NR4A2: variants seen among roughly 807,000 people sequenced by gnomAD.
NR4A2 encodes the protein NGFI-B/nur77 beta-type transcription factor homolog.
NR4A2 carries 1 observed loss-of-function variant against 50.5 expected under a neutral mutation model. That is an observed-to-expected ratio of 0.02 (90% CI 0.01 to 0.09). The LOEUF (loss-of-function observed/expected upper bound fraction) is 0.09, where lower values mean the gene tolerates loss of function less well. Ranked by LOEUF, NR4A2 falls within the 10% of genes least tolerant of loss-of-function variation. The pLI, the probability that NR4A2 is intolerant of heterozygous loss-of-function variation, is 1.00. For missense variants in NR4A2, 613 were observed against 777.3 expected (o/e 0.79, Z 2.51); for synonymous variants, 328 against 309.4 (o/e 1.06, Z -0.63).
Position 156,326,372 on chromosome 2 carries a change from A to C in NR4A2, c.1362-44T>G. Reference sequence around the variant, plus strand: ...AGAGAGAGGGGAGAAAAAGAGAGAGAGAAAAGCTAAACAACTAATTACTTG... The same window carrying C: ...AGAGAGAGGGGAGAAAAAGAGAGAGCGAAAAGCTAAACAACTAATTACTTG... On this transcript the variant is annotated intron_variant, in intron 6 of 7. Coordinates refer to ENST00000339562, the MANE Select transcript of NR4A2 (RefSeq NM_006186.4). This position sits in a 1 kb window ranked among gnomAD's most constrained non-coding sequence, Gnocchi z 4.2. The C allele has an allele frequency of 1.9e-6, 3 of 1,557,834 alleles. No individual in the cohort carries two copies. The highest frequency in any genetic ancestry group is 2.7e-6 in the Non-Finnish European group (3 of 1,128,700).
At chr2:156,331,465 G>T (rs1476741308) in intron 1 of NR4A2, among the ~76,000 whole-genome samples, 2 of 152,152 alleles carry the variant, frequency 1.3e-5, no homozygotes, top group African/African-American at 4.8e-5. Context: ...GGGAAGAGGG[G>T]ATCTACTTTT....
Position 156,329,780 on chromosome 2 carries a change from T to C in NR4A2, c.407A>G (p.Gln136Arg). Residue 136 changes from glutamine to arginine, a missense_variant, in exon 3 of 8, where the codon CAG (glutamine) becomes CGG (arginine). Physicochemically the swap from Gln to Arg is conservative, Grantham distance 43. Transcript: ENST00000339562. This position sits in a 1 kb window ranked among gnomAD's most constrained non-coding sequence, Gnocchi z 7.5. Reference protein sequence around the residue: ...SPPTPTTPGFQVQHSPMWDDP... With the variant: ...SPPTPTTPGFRVQHSPMWDDP... ...GTCCCACATGGGGCTGTGCTGCACCTGGAAGCCCGGGGTGGTGGGCGTCGG... is the reference window on the plus strand; with the variant it reads ...GTCCCACATGGGGCTGTGCTGCACCCGGAAGCCCGGGGTGGTGGGCGTCGG... The C allele has an allele frequency of 1.9e-6, 3 of 1,613,506 alleles. No homozygotes were observed. The highest frequency in any genetic ancestry group is 2.5e-6 in the Non-Finnish European group (3 of 1,179,538).
intron 2 of NR4A2, 98 bp downstream of exon 2, chr2:156,330,570 G>T: frequency 7.8e-7 from 1 of 1,289,468 alleles, no homozygotes; most frequent in Non-Finnish European, 1.0e-6. Flanking sequence ...CGAAGGCGAT[G>T]GGTCGGGCAA....
Position 156,326,411 on chromosome 2 carries a change from G to T in NR4A2, c.1362-83C>A. ...ACTAATTACTTGAAGAGCAATAAAT[G>T]AGGGATTTAAGAGTCACCTAATTAC... On this transcript the variant is annotated intron_variant, in intron 6 of 7. Transcript: ENST00000339562. This position sits in a 1 kb window ranked among gnomAD's most constrained non-coding sequence, Gnocchi z 4.2. 1 of 1,303,952 alleles carries T rather than the reference G, an allele frequency of 7.7e-7. No homozygotes were observed. The allele number at this position is 1,303,952 out of a possible 1,614,324, so 80.8% of individuals were successfully genotyped here.
Position 156,326,932 on chromosome 2 carries a change from T to C in NR4A2, c.1159-12A>G. The stretch of plus-strand genomic sequence containing the variant: ...GGGTTCGCCTGGAACTGGAATTTCA[T>C]TTTAAAAAGCACTTAATGAGGTTCT... On this transcript the variant is annotated splice_polypyrimidine_tract_variant and intron_variant, in intron 5 of 7. Transcript: ENST00000339562. This position sits in a 1 kb window ranked among gnomAD's most constrained non-coding sequence, Gnocchi z 4.2. The C allele has an allele frequency of 6.2e-7, 1 of 1,613,590 alleles. No individual in the cohort carries two copies. Among genetic ancestry groups the C allele is most frequent in the Non-Finnish European group, 8.5e-7 (1 of 1,179,574 alleles).
rs746412784 is a variant in NR4A2 at position 156,327,870 on chromosome 2, G to C, written c.1139C>G (p.Thr380Ser). 7 of 1,587,788 alleles carry C rather than the reference G, an allele frequency of 4.4e-6. No homozygotes were observed. Residue 380 changes from threonine to serine, a missense_variant, in exon 5 of 8, where the codon ACC becomes AGC. Transcript: ENST00000339562. The part of the protein sequence containing the change: ...RAHVDSNPAM[T>S]SLDYSRFQAN... ...TCTTACCCTGGAATAGTCCAGGCTG[G>C]TCATAGCCGGGTTGGAGTCGACATG...
rs750184164 is a variant in NR4A2 at position 156,325,834 on chromosome 2, C to T, written c.1707G>A (p.Gly569=). 1 of 1,614,184 alleles carries T rather than the reference C, an allele frequency of 6.2e-7. No homozygotes were observed. The change falls in exon 8 of 8, where the codon GGG becomes GGA. Residue 569 remains glycine (G), a synonymous_variant. Coordinates refer to ENST00000339562, the MANE Select transcript of NR4A2 (RefSeq NM_006186.4). ...ATTTCAGGTAGAAAATGCGCTGTAG[C>T]CCCTGTGTGCAAAGGGTACGAAGTT... is the stretch of plus-strand genomic sequence containing the variant. ...LPELRTLCTQ[G]LQRIFYLKLE...
In NR4A2 at chr2:156,325,885, C is replaced by T. The variant is rs746546938; in HGVS notation, c.1656G>A (p.Leu552=). ...CTGGGAGCTTCCCCAACAGTTTGGA[C>T]AAATAATTGGGGCGGTTCAACCCCC... is the stretch of plus-strand genomic sequence containing the variant. ...NNGGLNRPNY[L]SKLLGKLPEL... is the part of the protein sequence containing the mutation. The change falls in exon 8 of 8, where the codon TTG becomes TTA. Residue 552 remains leucine (L), a synonymous_variant. Coordinates refer to ENST00000339562, the MANE Select transcript of NR4A2 (RefSeq NM_006186.4). 1.2e-6 allele frequency: 2 copies of T among 1,614,082 alleles called. No homozygotes were observed. Among genetic ancestry groups the T allele is most frequent in the Admixed American group, 1.7e-5 (1 of 60,006 alleles).
In NR4A2 at chr2:156,329,705, T is replaced by A; in HGVS notation, c.482A>T (p.His161Leu). 1 of 1,614,022 alleles carries A rather than the reference T, an allele frequency of 6.2e-7. No homozygotes were observed. Among genetic ancestry groups the A allele is most frequent in the Non-Finnish European group, 8.5e-7 (1 of 1,179,952 alleles). ...TGGCGTTTTCCTCTGCTCGATCATG[T>A]GCGTAGTGGCCACGTAGTTCTGGTG... Reference protein sequence around the residue: ...NFHQNYVATTHMIEQRKTPVS... With the variant: ...NFHQNYVATTLMIEQRKTPVS... Residue 161 changes from histidine (H) to leucine (L), a missense_variant, in exon 3 of 8, where the codon CAC becomes CTC. His to Leu is a moderately conservative substitution (Grantham distance 99, BLOSUM62 -3). Transcript: ENST00000339562. The surrounding 1 kb of genome is among the most constrained non-coding windows in gnomAD (Gnocchi z 7.5).
Position 156,326,651 on chromosome 2 carries a change from CCCTTTCTTTT to C in NR4A2, c.1361+57_1361+66del, listed in dbSNP as rs1473569972. On this transcript the variant is annotated intron_variant, in intron 6 of 7. Transcript: ENST00000339562. The surrounding 1 kb of genome is among the most constrained non-coding windows in gnomAD (Gnocchi z 4.2). Reference sequence around the variant, plus strand: ...ACCCCACCCTCTGGTTTCCCTTCCTCCCTTTCTTTTCCTTTCTTGATTTCTCTCACAGCCT... The same window carrying C: ...ACCCCACCCTCTGGTTTCCCTTCCTCCCTTTCTTGATTTCTCTCACAGCCT... The C allele has an allele frequency of 1.3e-5, 20 of 1,530,734 alleles. No individual in the cohort carries two copies. In the African/African-American group the frequency reaches 2.6e-4, roughly 20 times the overall value. The allele number at this position is 1,530,734 out of a possible 1,614,324, so 94.8% of individuals were successfully genotyped here.
Position 156,328,916 on chromosome 2 carries a change from G to T in NR4A2, c.865-383C>A, listed in dbSNP as rs1203059117. 1.3e-5 allele frequency among the ~76,000 whole-genome samples: 2 copies of T among 152,194 alleles called. No homozygotes were observed. The highest frequency in any genetic ancestry group is 3.9e-4 in the East Asian group (2 of 5,194). ...TTCAATCAGGATGGCGAAATAAAGAGATCACTTAATTTGACCATAGGGAAT... is the reference window on the plus strand; with the variant it reads ...TTCAATCAGGATGGCGAAATAAAGATATCACTTAATTTGACCATAGGGAAT... On this transcript the variant is annotated intron_variant, in intron 3 of 7. Transcript: ENST00000339562. The surrounding 1 kb of genome is among the most constrained non-coding windows in gnomAD (Gnocchi z 4.9).
In NR4A2 at chr2:156,326,523, C is replaced by G. The variant is rs113743489; in HGVS notation, c.1361+195G>C. On this transcript the variant is annotated intron_variant, in intron 6 of 7. Transcript: ENST00000339562. The surrounding 1 kb of genome is among the most constrained non-coding windows in gnomAD (Gnocchi z 4.2). The stretch of plus-strand genomic sequence containing the variant: ...GAACGCCCCCTATCCCACCTCCATT[C>G]CATTCATCCAAGGCTTCTGGGCTCG... 3.2e-4 allele frequency among the ~76,000 whole-genome samples: 49 copies of G among 152,318 alleles called. No homozygotes were observed. The highest frequency in any genetic ancestry group is 1.1e-3 in the African/African-American group (46 of 41,560).
In NR4A2 at chr2:156,329,666, G is replaced by C. The variant is rs1686828651; in HGVS notation, c.521C>G (p.Ser174Cys). ...GGGCGATTGCTTAAAGGAGAAGAGG[G>C]AGAGGCGGGAGACTGGCGTTTTCCT... ...EQRKTPVSRLSLFSFKQSPPG... is the reference protein window; with the variant it reads ...EQRKTPVSRLCLFSFKQSPPG... The change falls in exon 3 of 8, where the codon TCC (serine) becomes TGC (cysteine). Residue 174 changes from serine to cysteine, a missense_variant. By Grantham distance (112) the Ser-to-Cys change is moderately radical (BLOSUM62 -1). Around this residue, in one of 4 missense-constraint regions of NR4A2, gnomAD observed 275 missense variants for 248.9 expected, o/e 1.10. Transcript: ENST00000339562. The surrounding 1 kb of genome is among the most constrained non-coding windows in gnomAD (Gnocchi z 7.5). 1 of 1,613,970 alleles carries C rather than the reference G, an allele frequency of 6.2e-7. No homozygotes were observed. Among genetic ancestry groups the C allele is most frequent in the Non-Finnish European group, 8.5e-7 (1 of 1,179,924 alleles).
chr2:156,332,201 C>T lies in NR4A2; in HGVS notation c.-127+279G>A, dbSNP rs555847921. On this transcript the variant is annotated intron_variant, in intron 1 of 7. Coordinates refer to ENST00000339562, the MANE Select transcript of NR4A2 (RefSeq NM_006186.4). ...TTGCGCACATTTCCGCGGGCTAGTC[C>T]TCAGCTCCCAAACTGTGGAGTCTCC... 1.1e-4 allele frequency among the ~76,000 whole-genome samples: 16 copies of T among 152,310 alleles called. No individual in the cohort carries two copies. In the East Asian group the frequency reaches 1.9e-3, roughly 18 times the overall value.
In NR4A2 at chr2:156,326,987, C is replaced by A. The variant is rs573028684; in HGVS notation, c.1159-67G>T. The A allele has an allele frequency of 4.7e-6, 7 of 1,504,068 alleles. No individual in the cohort carries two copies. The highest frequency in any genetic ancestry group is 2.3e-5 in the South Asian group (2 of 88,198). The allele number at this position is 1,504,068 out of a possible 1,614,324, so 93.2% of individuals were successfully genotyped here. ...AATATATAACCCGTGAAATTGCTAA[C>A]CCCGTTTCTAATAGGGGAGCCAGGT... On this transcript the variant is annotated intron_variant, in intron 5 of 7. Transcript: ENST00000339562. The surrounding 1 kb of genome is among the most constrained non-coding windows in gnomAD (Gnocchi z 4.2).
In NR4A2 at chr2:156,328,341, G is replaced by A; in HGVS notation, c.994+63C>T. 1.2e-6 allele frequency: 2 copies of A among 1,611,854 alleles called. No individual in the cohort carries two copies. Among genetic ancestry groups the A allele is most frequent in the Non-Finnish European group, 1.7e-6 (2 of 1,178,318 alleles). On this transcript the variant is annotated intron_variant, in intron 4 of 7. Coordinates refer to ENST00000339562, the MANE Select transcript of NR4A2 (RefSeq NM_006186.4). This position sits in a 1 kb window ranked among gnomAD's most constrained non-coding sequence, Gnocchi z 4.9. Reference sequence around the variant, plus strand: ...GCACCGGGAAGTGGAACGTGATGCTGGAGTATGAGCAGTGGTTTCCTAAAG... The same window carrying A: ...GCACCGGGAAGTGGAACGTGATGCTAGAGTATGAGCAGTGGTTTCCTAAAG...
intron 5 of NR4A2, among the ~76,000 whole-genome samples, chr2:156,327,617 C>T (rs1686711457): frequency 6.6e-6 from 1 of 152,112 alleles, no homozygotes; most frequent in Admixed American, 6.5e-5. Flanking sequence ...CAGCTTCAAA[C>T]CCTGTGGCGT....
Position 156,332,613 on chromosome 2 carries a change from G to A in NR4A2, c.-260C>T, listed in dbSNP as rs1202055618. On this transcript the variant is annotated 5_prime_UTR_variant, in exon 1 of 8. Transcript: ENST00000339562. ...GAACCCGGACACCTCACGGAGGGAG[G>A]GAGCAGGGACAGGCGGCCGGCTGGA... 6 of 718,424 alleles carry A rather than the reference G, an allele frequency of 8.4e-6. No individual in the cohort carries two copies. The highest frequency in any genetic ancestry group is 1.3e-5 in the Non-Finnish European group (6 of 469,512). 44.5% of individuals were successfully genotyped at this position (718,424 alleles called of 1,614,324 possible).
At chr2:156,327,243 C>G (rs781233455) in intron 5 of NR4A2, among the ~76,000 whole-genome samples, 1 of 152,142 alleles carries the variant, frequency 6.6e-6, no homozygotes, top group African/African-American at 2.4e-5. Context: ...CGAGCTGAGA[C>G]GCCCTTTTGC....
Sources: allele counts gnomAD v4.1 joint callset (sites outside exome capture counted in the v4.1 genomes callset), GRCh38; gene constraint gnomAD v4.1.1; regional missense constraint gnomAD v4.1.1; non-coding constraint Gnocchi (gnomAD v3.1); transcripts MANE v1.5; gene names NCBI Gene and HGNC (gene_info 2026-07-23, HGNC 2026-07-21).